The following ERP44 variants were observed in gnomAD, a reference collection of about 807,000 sequenced individuals.
ERP44 encodes endoplasmic reticulum protein 44, also known as endoplasmic reticulum resident protein 44.
ERP44 carries 25 observed loss-of-function variants against 53.4 expected under a neutral mutation model. That is an observed-to-expected ratio of 0.47 (90% confidence interval 0.34 to 0.65). The LOEUF is 0.65. Among genes scored for constraint, ERP44 ranks in the 30% least tolerant of loss-of-function variants. The probability of loss-of-function intolerance (pLI) is 0.01; values close to 1 mark genes in which losing one functional copy is unlikely to be tolerated. For synonymous variants in ERP44, 145 were observed against 161.2 expected (o/e 0.90, Z 0.76); for missense variants, 338 against 493.2 (o/e 0.69, Z 2.98).
In ERP44 at chr9:99,993,087, C is replaced by T. The variant is rs1473420278; in HGVS notation, c.1017-8018G>A. On this transcript the variant is annotated intron_variant, in intron 10 of 11. Transcript: ENST00000262455. ...CAATATCATAAAAATGGCCATACTG[C>T]CCAAGGTAATTTATAGATTCAATGC... Among the ~76,000 whole-genome samples, 3 of 152,156 alleles carry T rather than the reference C, an allele frequency of 2.0e-5. No homozygotes were observed. The East Asian group carries it at 5.8e-4, about 29-fold the overall frequency.
At chr9:100,009,811 A>C (rs1456640577) in intron 8 of ERP44, among the ~76,000 whole-genome samples, 1 of 152,042 alleles carries the variant, frequency 6.6e-6, no homozygotes, top group Non-Finnish European at 1.5e-5. Flanking sequence ...CCTCCTCTCT[A>C]ACCTCCTTCT....
intron 4 of ERP44, among the ~76,000 whole-genome samples, chr9:100,033,819 C>T (rs1419325165): frequency 1.3e-5 from 2 of 152,104 alleles, no homozygotes; most frequent in Non-Finnish European, 2.9e-5. Context: ...ATGAATGGCC[C>T]TCGACATATC....
chr9:100,055,147 G>A (rs1216256473), intron 3 of ERP44, among the ~76,000 whole-genome samples: 1 of 152,044 alleles, frequency 6.6e-6, no homozygotes, highest in African/African-American at 2.4e-5. Context: ...CCTACCTACA[G>A]AGTAGTTCTG....
At chr9:100,020,465 A>T in intron 6 of ERP44, 151 bp downstream of exon 6, 1 of 535,684 alleles carries the variant, frequency 1.9e-6, no homozygotes, top group Non-Finnish European at 3.3e-6. Flanking sequence ...CCTTAAAAAG[A>T]ATTCAGAGAC....
rs1314956428 is a variant in ERP44, at chr9:99,982,266, CAGG to C, written c.*343_*345del. On this transcript the variant is annotated 3_prime_UTR_variant, in exon 12 of 12. Coordinates refer to ENST00000262455, the MANE Select transcript of ERP44 (RefSeq NM_015051.3). ...GAAAGAAAGAAAAGCACATACGACA[CAGG>C]AAACATCCCTAAGTCCTCCCTACCC... is the stretch of plus-strand genomic sequence containing the variant. 2.6e-5 allele frequency: 4 copies of C among 155,838 alleles called. No individual in the cohort carries two copies. Among genetic ancestry groups the C allele is most frequent in the African/African-American group, 9.6e-5 (4 of 41,552 alleles). 9.7% of individuals were successfully genotyped at this position (155,838 alleles called of 1,614,324 possible). A position where few individuals can be genotyped will look rare whatever the true frequency, so the allele number is the denominator to read the frequency against.
chr9:100,007,501 T>C (rs551827488), intron 9 of ERP44, 77 bp downstream of exon 9: 20 of 768,086 alleles, frequency 2.6e-5, no homozygotes, highest in Middle Eastern at 3.6e-4. Flanking sequence ...TTGACAGAAA[T>C]GGGAGAGGAG....
intron 1 of ERP44, among the ~76,000 whole-genome samples, chr9:100,090,716 TCCAG>T (rs1360199154): frequency 2.0e-5 from 3 of 151,494 alleles, no homozygotes; most frequent in Non-Finnish European, 4.4e-5. Flanking sequence ...GCCATTGCAT[TCCAG>T]CCTGGGCAAC....
intron 8 of ERP44, among the ~76,000 whole-genome samples, chr9:100,009,928 T>A (rs1043959425): frequency 2.0e-5 from 3 of 149,484 alleles, no homozygotes; most frequent in African/African-American, 7.3e-5. Context: ...TCCATCCCTG[T>A]CAAAGGAAAA....
intron 1 of ERP44, among the ~76,000 whole-genome samples, chr9:100,094,927 A>G (rs1826607517): frequency 6.8e-6 from 1 of 147,868 alleles, no homozygotes; most frequent in African/African-American, 2.5e-5. Flanking sequence ...AGCTGTGATC[A>G]CTCCTCTGCA....
At chr9:100,068,189 C>T (rs1263101958) in intron 1 of ERP44, among the ~76,000 whole-genome samples, 109 of 150,680 alleles carry the variant, frequency 7.2e-4, no homozygotes, top group African/African-American at 2.4e-3. Context: ...CCAGCAGCCC[C>T]GTCCGGGAGG....
intron 1 of ERP44, among the ~76,000 whole-genome samples, chr9:100,061,148 A>T (rs555018295): frequency 7.0e-4 from 107 of 152,330 alleles, no homozygotes; most frequent in African/African-American, 2.2e-3. Flanking sequence ...ACTAATTTTT[A>T]AAAATATTTC....
chr9:100,088,484 A>G (rs1826511990), intron 1 of ERP44, among the ~76,000 whole-genome samples: 1 of 151,596 alleles, frequency 6.6e-6, no homozygotes, highest in Non-Finnish European at 1.5e-5. Context: ...ACAAACTACA[A>G]CTCCCCTAAT....
At chr9:100,053,517 A>G in intron 3 of ERP44, among the ~76,000 whole-genome samples, 1 of 152,228 alleles carries the variant, frequency 6.6e-6, no homozygotes, top group Non-Finnish European at 1.5e-5. Context: ...TAGATGGTAT[A>G]GCCTAGCATG....
At chr9:100,033,396 G>A (rs1825815561) in intron 4 of ERP44, among the ~76,000 whole-genome samples, 1 of 152,138 alleles carries the variant, frequency 6.6e-6, no homozygotes. Flanking sequence ...GGAGCCCCAA[G>A]TTATCTTGGG....
intron 4 of ERP44, among the ~76,000 whole-genome samples, chr9:100,043,528 G>T (rs1232832992): frequency 6.6e-6 from 1 of 151,950 alleles, no homozygotes; most frequent in Non-Finnish European, 1.5e-5. Flanking sequence ...GCTGAGGCGG[G>T]TGGATCACTT....
chr9:100,032,046 C>T (rs1445719117), intron 4 of ERP44, among the ~76,000 whole-genome samples: 1 of 152,084 alleles, frequency 6.6e-6, no homozygotes, highest in African/African-American at 2.4e-5. Context: ...TCTTGGCCCC[C>T]TAGAAGGTAT....
intron 1 of ERP44, among the ~76,000 whole-genome samples, chr9:100,084,334 C>G (rs1476777362): frequency 6.6e-6 from 1 of 152,150 alleles, no homozygotes; most frequent in African/African-American, 2.4e-5. Flanking sequence ...ATTAGCCATC[C>G]CTTGTACAAT....
chr9:99,996,934 CACAT>C (rs1170792802), intron 10 of ERP44, among the ~76,000 whole-genome samples: 2 of 19,612 alleles, frequency 1.0e-4, no homozygotes, highest in Non-Finnish European at 1.5e-4. Context: ...TATATATATA[CACAT>C]ACATATACAC....
intron 2 of ERP44, 45 bp from the exon 3 acceptor site, chr9:100,057,904 T>C (rs1826102077): frequency 1.4e-6 from 2 of 1,433,432 alleles, no homozygotes; most frequent in South Asian, 2.4e-5. Flanking sequence ...GTAATAATTT[T>C]GACATAATTA....
Sources: allele counts gnomAD v4.1 joint callset (sites outside exome capture counted in the v4.1 genomes callset), GRCh38; gene constraint gnomAD v4.1.1; transcripts MANE v1.5; gene names NCBI Gene and HGNC (gene_info 2026-07-23, HGNC 2026-07-21).